Variants in CLNK observed in about 807,000 individuals in gnomAD.
CLNK encodes cytokine-dependent hematopoietic cell linker.
A neutral mutation model predicts 68.6 loss-of-function variants in CLNK; 74 were observed. The observed-to-expected ratio is 1.08, with a 90% CI of 0.89 to 1.31. CLNK has a LOEUF of 1.31. Ranked by LOEUF, CLNK falls within the 50% of genes most tolerant of loss-of-function variation. CLNK has a pLI of 0.00. For missense variants in CLNK, 553 were observed against 515.3 expected, an observed-to-expected ratio of 1.07 and a Z score of -0.71; for synonymous variants, 198 against 172.2, an observed-to-expected ratio of 1.15 and a Z score of -1.17.
the CLNK span, among the ~76,000 whole-genome samples, chr4:10,723,919 A>ACAGAGAG: frequency 1.4e-5 from 2 of 148,014 alleles, no homozygotes; most frequent in Admixed American, 6.7e-5. Flanking sequence ...AGAGAGAGAG[A>ACAGAGAG]AGGCAGGGCA....
chr4:10,598,624 G>T, intron 2 of CLNK: 1 of 422,130 alleles, frequency 2.4e-6, no homozygotes, highest in Non-Finnish European at 4.7e-6. Context: ...ACTTTGCTAA[G>T]GCACTTTCTA....
At chr4:10,592,328 C>A (rs908484297) in intron 3 of CLNK, among the ~76,000 whole-genome samples, 2 of 152,078 alleles carry the variant, frequency 1.3e-5, no homozygotes, top group Admixed American at 1.3e-4. Context: ...ATATTTGACA[C>A]TCTGATGGGT....
chr4:10,660,249 G>A (rs1340033574), intron 2 of CLNK, among the ~76,000 whole-genome samples: 2 of 152,166 alleles, frequency 1.3e-5, no homozygotes, highest in African/African-American at 4.8e-5. Context: ...ATTAGTTCAT[G>A]AGTTGTGTTG....
chr4:10,665,199 T>C (rs1417472633), intron 2 of CLNK, among the ~76,000 whole-genome samples: 2 of 152,172 alleles, frequency 1.3e-5, no homozygotes, highest in Non-Finnish European at 1.5e-5. Context: ...CAGCTTCAAA[T>C]CTAAGGTGAC....
the CLNK span, among the ~76,000 whole-genome samples, chr4:10,702,184 A>G: frequency 6.6e-6 from 1 of 152,166 alleles, no homozygotes; most frequent in African/African-American, 2.4e-5. Context: ...CATTTGCAGG[A>G]GCAGATTTGT....
intron 2 of CLNK, among the ~76,000 whole-genome samples, chr4:10,663,040 C>T (rs1318076692): frequency 2.6e-5 from 4 of 152,204 alleles, no homozygotes; most frequent in Admixed American, 6.5e-5. Context: ...CTGGAAAGAG[C>T]CCAGAAGCAA....
intron 8 of CLNK, among the ~76,000 whole-genome samples, chr4:10,552,383 G>A (rs867110482): frequency 6.6e-6 from 1 of 152,098 alleles, no homozygotes; most frequent in Non-Finnish European, 1.5e-5. Flanking sequence ...AGACATAAAC[G>A]ATTGTCAGCC....
upstream of CLNK, among the ~76,000 whole-genome samples, chr4:10,689,564 C>G (rs1229670632): frequency 6.6e-6 from 1 of 152,032 alleles, no homozygotes; most frequent in Non-Finnish European, 1.5e-5. Context: ...AGTTCAGGCT[C>G]CTGTCAGGCA....
intron 2 of CLNK, among the ~76,000 whole-genome samples, chr4:10,608,141 A>G (rs1721858026): frequency 6.6e-6 from 1 of 152,218 alleles, no homozygotes; most frequent in African/African-American, 2.4e-5. Context: ...GGACCCCTGC[A>G]AGAATTCCTC....
chr4:10,653,654 A>G (rs1723843987), intron 2 of CLNK, among the ~76,000 whole-genome samples: 1 of 152,186 alleles, frequency 6.6e-6, no homozygotes, highest in Admixed American at 6.5e-5. Flanking sequence ...GAAATAACAA[A>G]CTCATATTGC....
intron 2 of CLNK, among the ~76,000 whole-genome samples, chr4:10,603,663 G>A (rs1345614755): frequency 2.0e-5 from 3 of 152,228 alleles, no homozygotes; most frequent in African/African-American, 7.2e-5. Context: ...TGCAACAGAG[G>A]CCTCAGCGGC....
At chr4:10,519,092 G>A (rs1231756830) in intron 15 of CLNK, among the ~76,000 whole-genome samples, 2 of 152,136 alleles carry the variant, frequency 1.3e-5, no homozygotes, top group African/African-American at 2.4e-5. Context: ...GTTTGTTTAC[G>A]AAAACAGGAA....
At chr4:10,586,768 C>T (rs552571406) in intron 3 of CLNK, among the ~76,000 whole-genome samples, 2 of 152,130 alleles carry the variant, frequency 1.3e-5, no homozygotes, top group East Asian at 1.9e-4. Flanking sequence ...GTGAAGTGCT[C>T]GTCTCACTGT....
chr4:10,529,548 C>T (rs1304990265), intron 12 of CLNK, among the ~76,000 whole-genome samples: 2 of 152,174 alleles, frequency 1.3e-5, no homozygotes, highest in Non-Finnish European at 2.9e-5. Context: ...CTTTGGCATT[C>T]CCTAGGATTC....
chr4:10,525,723 T>C (rs553914965), intron 14 of CLNK, 118 bp downstream of exon 14: 2 of 617,442 alleles, frequency 3.2e-6, no homozygotes, highest in East Asian at 2.8e-5. Context: ...AGCCTCATTA[T>C]TGGGCTTCAG....
At chr4:10,666,147 T>A (rs955136272) in intron 2 of CLNK, among the ~76,000 whole-genome samples, 1 of 152,134 alleles carries the variant, frequency 6.6e-6, no homozygotes, top group South Asian at 2.1e-4. Flanking sequence ...CCAGGAAGTA[T>A]TCTTCCCTTG....
chr4:10,571,922 C>G (rs990955670), intron 4 of CLNK, 144 bp from the exon 5 acceptor site: 2 of 638,640 alleles, frequency 3.1e-6, no homozygotes, highest in Non-Finnish European at 5.5e-6. Flanking sequence ...AACTAAAGTG[C>G]ATTTTTCTTT....
At chr4:10,676,058 TG>T in intron 1 of CLNK, among the ~76,000 whole-genome samples, 1 of 150,190 alleles carries the variant, frequency 6.7e-6, no homozygotes, top group South Asian at 2.1e-4. Context: ...TGTGTGTGTG[TG>T]TGTGTGTGTG....
intron 4 of CLNK, among the ~76,000 whole-genome samples, chr4:10,574,963 G>T (rs989814671): frequency 7.2e-5 from 11 of 152,186 alleles, no homozygotes; most frequent in Non-Finnish European, 2.9e-5. Context: ...GACAGGAATT[G>T]CTCACTTGGG....
Sources: gnomAD v4.1 joint callset for allele counts (sites outside exome capture counted in the v4.1 genomes callset) on GRCh38, gnomAD v4.1.1 for gene constraint, MANE v1.5 for transcripts, NCBI Gene and HGNC (gene_info 2026-07-23, HGNC 2026-07-21) for gene names.